Variants in ZNF69 observed in about 807,000 individuals in gnomAD.
ZNF69 encodes zinc finger protein 69.
Under a neutral mutation model 50.9 loss-of-function variants are expected in ZNF69, and 47 were observed. The ratio of observed to expected loss-of-function variants is 0.92; its 90% CI spans 0.73 to 1.18. The LOEUF (loss-of-function observed/expected upper bound fraction) is 1.18, where lower values mean the gene tolerates loss of function less well. ZNF69 is among the 50% of genes most tolerant of loss of function. The pLI is 0.00. For synonymous variants in ZNF69, 216 were observed against 223.1 expected (o/e 0.97, Z 0.29); for missense variants, 717 against 675.1 (o/e 1.06, Z -0.69).
chr19:11,888,706 G>C (rs751837561), intron 1 of ZNF69, among the ~76,000 whole-genome samples: 87 of 152,138 alleles, frequency 5.7e-4, no homozygotes, highest in African/African-American at 1.4e-3. Context: ...GGTGGCTCAC[G>C]CTTGTAATTC....
the ZNF69 span, among the ~76,000 whole-genome samples, chr19:11,968,745 C>A: frequency 6.6e-6 from 1 of 152,012 alleles, no homozygotes; most frequent in Non-Finnish European, 1.5e-5. Context: ...AGGGGCCTGG[C>A]GGGATGGCTC....
the ZNF69 span, chr19:11,976,875 C>T: frequency 6.7e-7 from 1 of 1,483,088 alleles, no homozygotes; most frequent in Admixed American, 2.6e-5. Context: ...ACAACAACAA[C>T]AAAAATGCTT....
At chr19:11,927,614 T>G in the ZNF69 span, among the ~76,000 whole-genome samples, 3 of 152,190 alleles carry the variant, frequency 2.0e-5, no homozygotes, top group African/African-American at 7.2e-5. Flanking sequence ...GCATGTGGGC[T>G]GACAGCATCA....
At chr19:11,928,107 C>G in the ZNF69 span, among the ~76,000 whole-genome samples, 1 of 152,068 alleles carries the variant, frequency 6.6e-6, no homozygotes, top group East Asian at 1.9e-4. Flanking sequence ...GCACCTCCGC[C>G]TCTCAAGTAG....
chr19:11,909,545 T>C (rs1972427489), downstream of ZNF69, among the ~76,000 whole-genome samples: 1 of 152,188 alleles, frequency 6.6e-6, no homozygotes, highest in South Asian at 2.1e-4. Context: ...ATCCATCATA[T>C]AAACAGAACC....
At chr19:11,950,480 T>C in the ZNF69 span, 1 of 678,530 alleles carries the variant, frequency 1.5e-6, no homozygotes, top group Non-Finnish European at 2.7e-6. Flanking sequence ...TATGAGTGTA[T>C]TCTAGTTCCG....
At chr19:11,971,475 A>C in the ZNF69 span, among the ~76,000 whole-genome samples, 1 of 152,192 alleles carries the variant, frequency 6.6e-6, no homozygotes, top group Non-Finnish European at 1.5e-5. Flanking sequence ...ACCATATTCT[A>C]TAGAGCATCT....
At chr19:11,896,359 A>G (rs1210494008) in intron 1 of ZNF69, among the ~76,000 whole-genome samples, 1 of 150,542 alleles carries the variant, frequency 6.6e-6, no homozygotes, top group Non-Finnish European at 1.5e-5. Flanking sequence ...TAGTGGGTAT[A>G]TTGCCTGTCT....
At chr19:11,901,973 A>C (rs200774264) in intron 1 of ZNF69, among the ~76,000 whole-genome samples, 1 of 114,940 alleles carries the variant, frequency 8.7e-6, no homozygotes, top group East Asian at 2.6e-4. Flanking sequence ...CCAAGATGTT[A>C]TTTTCTTTTT....
At chr19:11,895,265 A>G (rs1335636751) in intron 1 of ZNF69, among the ~76,000 whole-genome samples, 1 of 152,248 alleles carries the variant, frequency 6.6e-6, no homozygotes, top group Non-Finnish European at 1.5e-5. Context: ...CATACAGTGC[A>G]TGGCTCACAA....
At chr19:11,891,536 G>T (rs780645586) in intron 1 of ZNF69, among the ~76,000 whole-genome samples, 6 of 152,262 alleles carry the variant, frequency 3.9e-5, no homozygotes, top group African/African-American at 7.2e-5. Flanking sequence ...GTTTTTCTTA[G>T]GTAGGGATCT....
At chr19:11,893,575 C>T (rs771243666) in intron 1 of ZNF69, among the ~76,000 whole-genome samples, 5 of 152,180 alleles carry the variant, frequency 3.3e-5, no homozygotes, top group African/African-American at 7.2e-5. Context: ...CTTTGGGATG[C>T]GGTTCCTTTC....
downstream of ZNF69, among the ~76,000 whole-genome samples, chr19:11,918,700 T>C (rs1599270541): frequency 1.3e-5 from 2 of 151,644 alleles, no homozygotes; most frequent in South Asian, 2.1e-4. Flanking sequence ...ATCAATCCTC[T>C]TGCCTCGGCC....
At chr19:11,912,659 G>A (rs755138952) in intron 4 of ZNF69, among the ~76,000 whole-genome samples, 34 of 151,816 alleles carry the variant, frequency 2.2e-4, no homozygotes, top group Non-Finnish European at 4.6e-4. Context: ...AGTTGCTTTC[G>A]ATGTCATGAA....
rs554509166 is a variant in ZNF69, at chr19:11,897,113, T to C, written c.64-6460T>C. Among the ~76,000 whole-genome samples the C allele has an allele frequency of 3.1e-3, 470 of 152,314 alleles. 1 individual carries two copies. Among genetic ancestry groups the C allele is most frequent in the African/African-American group, 0.01 (434 of 41,580 alleles). On this transcript the variant is annotated intron_variant, in intron 1 of 3. Transcript: ENST00000429654. ...CCTGTAATCCCAATATTTGGGAGGC[T>C]GAGGTGGGTGGATCACCTGAGGTCA...
the ZNF69 span, among the ~76,000 whole-genome samples, chr19:11,977,947 A>G: frequency 1.3e-5 from 2 of 152,200 alleles, no homozygotes; most frequent in South Asian, 2.1e-4. Context: ...TTTAAACAAT[A>G]GGTATGACTA....
At chr19:11,894,242 T>G (rs1017688308) in intron 1 of ZNF69, among the ~76,000 whole-genome samples, 4 of 152,076 alleles carry the variant, frequency 2.6e-5, no homozygotes, top group African/African-American at 9.7e-5. Flanking sequence ...CGACCTCGGC[T>G]CACTGCAAGC....
At chr19:11,902,322 A>G (rs1568277450) in intron 1 of ZNF69, among the ~76,000 whole-genome samples, 1 of 152,030 alleles carries the variant, frequency 6.6e-6, no homozygotes, top group Non-Finnish European at 1.5e-5. Flanking sequence ...CCCATTTTAT[A>G]TATATGCTTA....
chr19:11,920,657 G>C, the ZNF69 span, among the ~76,000 whole-genome samples: 8 of 151,974 alleles, frequency 5.3e-5, no homozygotes, highest in Non-Finnish European at 1.0e-4. Context: ...GGAGGCTGAG[G>C]GGGGTGCATC....
Sources: gnomAD v4.1 joint callset for allele counts (sites outside exome capture counted in the v4.1 genomes callset) on GRCh38, gnomAD v4.1.1 for gene constraint, MANE v1.5 for transcripts, NCBI Gene and HGNC (gene_info 2026-07-23, HGNC 2026-07-21) for gene names.